The following KCNH8 variants were observed in gnomAD, a reference collection of about 807,000 sequenced individuals.
KCNH8 encodes the protein voltage-gated delayed rectifier potassium channel KCNH8.
In KCNH8, 70 loss-of-function variants were observed where a neutral mutation model predicts 103.6. The observed-to-expected ratio is 0.68, with a 90% CI of 0.56 to 0.82. The LOEUF is 0.82. Ranked by LOEUF, KCNH8 falls within the 40% of genes least tolerant of loss-of-function variation. The pLI is 0.00. For missense variants in KCNH8, 1,217 were observed against 1,329.9 expected (o/e 0.92, Z 1.32); for synonymous variants, 498 against 489.4 (o/e 1.02, Z -0.23).
At chr3:19,372,676 C>A (rs1179337313) in intron 5 of KCNH8, among the ~76,000 whole-genome samples, 1 of 152,184 alleles carries the variant, frequency 6.6e-6, no homozygotes, top group Non-Finnish European at 1.5e-5. Context: ...GAGAGGGCAT[C>A]CCTGCCTTCT....
At chr3:19,307,761 A>G (rs1304959051) in intron 3 of KCNH8, among the ~76,000 whole-genome samples, 2 of 152,000 alleles carry the variant, frequency 1.3e-5, no homozygotes, top group Admixed American at 1.3e-4. Flanking sequence ...CGTGGTTGGA[A>G]CTGAAAGACA....
chr3:19,382,012 A>G (rs1265357932), intron 5 of KCNH8, among the ~76,000 whole-genome samples: 1 of 152,130 alleles, frequency 6.6e-6, no homozygotes, highest in African/African-American at 2.4e-5. Flanking sequence ...TTATATCTCT[A>G]TCCATTGTTG....
At chr3:19,200,898 T>C (rs901119944) in intron 1 of KCNH8, among the ~76,000 whole-genome samples, 1 of 151,910 alleles carries the variant, frequency 6.6e-6, no homozygotes, top group Admixed American at 6.6e-5. Context: ...TTTTGAAGTA[T>C]GTAAAAAAAA....
intron 4 of KCNH8, among the ~76,000 whole-genome samples, 173 bp from the exon 5 acceptor site, chr3:19,347,552 T>C (rs1475489260): frequency 6.6e-6 from 1 of 152,118 alleles, no homozygotes; most frequent in Non-Finnish European, 1.5e-5. Flanking sequence ...CAAAGATCTC[T>C]GCTCAGTTTT....
At chr3:19,434,862 A>G (rs2125168928) in intron 7 of KCNH8, among the ~76,000 whole-genome samples, 3 of 152,302 alleles carry the variant, frequency 2.0e-5, no homozygotes, top group Middle Eastern at 3.4e-3. Context: ...ACATTTTCCC[A>G]CTAAAGTGGG....
intron 8 of KCNH8, among the ~76,000 whole-genome samples, chr3:19,442,060 G>T (rs2067292483): frequency 6.6e-6 from 1 of 152,220 alleles, no homozygotes; most frequent in Non-Finnish European, 1.5e-5. Flanking sequence ...CCATGGCACA[G>T]TTGTTCAAGT....
At chr3:19,179,049 G>T (rs2063427228) in intron 1 of KCNH8, among the ~76,000 whole-genome samples, 1 of 151,948 alleles carries the variant, frequency 6.6e-6, no homozygotes, top group Non-Finnish European at 1.5e-5. Flanking sequence ...TGTTGAGAAA[G>T]GATATATTTT....
chr3:19,172,477 C>A (rs2063357744), intron 1 of KCNH8, among the ~76,000 whole-genome samples: 1 of 152,122 alleles, frequency 6.6e-6, no homozygotes, highest in African/African-American at 2.4e-5. Context: ...ACTACCTAGA[C>A]TTTATAAAAC....
chr3:19,472,891 A>G (rs948699624), intron 11 of KCNH8, among the ~76,000 whole-genome samples: 3 of 152,216 alleles, frequency 2.0e-5, no homozygotes, highest in Admixed American at 6.5e-5. Flanking sequence ...TGTCAACTGA[A>G]TATTTAGTAG....
At chr3:19,154,558 T>G (rs1485498863) in intron 1 of KCNH8, among the ~76,000 whole-genome samples, 1 of 152,222 alleles carries the variant, frequency 6.6e-6, no homozygotes, top group Non-Finnish European at 1.5e-5. Context: ...ATGTTTCTTT[T>G]TACTATCTCT....
At chr3:19,274,747 G>C (rs1045189357) in intron 2 of KCNH8, among the ~76,000 whole-genome samples, 1 of 151,198 alleles carries the variant, frequency 6.6e-6, no homozygotes, top group Non-Finnish European at 1.5e-5. Context: ...TAAGGAGAAA[G>C]GTAACTTGGA....
intron 2 of KCNH8, among the ~76,000 whole-genome samples, chr3:19,255,417 C>G (rs550188146): frequency 3.9e-5 from 6 of 152,226 alleles, no homozygotes; most frequent in African/African-American, 1.2e-4. Flanking sequence ...CAAACAGAGA[C>G]AGTTTGATGT....
At chr3:19,504,051 A>T (rs143139648) in intron 11 of KCNH8, among the ~76,000 whole-genome samples, 1 of 152,160 alleles carries the variant, frequency 6.6e-6, no homozygotes, top group African/African-American at 2.4e-5. Context: ...ATCTACAACC[A>T]TCTGATCTTC....
intron 11 of KCNH8, among the ~76,000 whole-genome samples, chr3:19,498,599 C>T (rs560309917): frequency 1.3e-5 from 2 of 152,306 alleles, no homozygotes; most frequent in South Asian, 4.1e-4. Flanking sequence ...CATTCTCCAT[C>T]CAGCTTTCTT....
intron 1 of KCNH8, among the ~76,000 whole-genome samples, chr3:19,182,298 G>T (rs60315709): frequency 0.04 from 6,072 of 152,124 alleles, 438 homozygotes; most frequent in African/African-American, 0.14. Context: ...GGAGGCCGAC[G>T]GGGGCAGATC....
chr3:19,183,022 A>G (rs1042556042), intron 1 of KCNH8, among the ~76,000 whole-genome samples: 13 of 152,174 alleles, frequency 8.5e-5, no homozygotes, highest in African/African-American at 3.1e-4. Flanking sequence ...TCATAGCAAA[A>G]TAGCAGTACA....
chr3:19,209,924 A>T (rs1029542760), intron 1 of KCNH8, among the ~76,000 whole-genome samples: 72 of 151,982 alleles, frequency 4.7e-4, no homozygotes, highest in African/African-American at 1.7e-3. Context: ...TTGGGAAGAG[A>T]TTTTTTTGGG....
intron 5 of KCNH8, among the ~76,000 whole-genome samples, chr3:19,382,883 A>T (rs748950172): frequency 2.0e-5 from 3 of 152,208 alleles, no homozygotes; most frequent in Non-Finnish European, 4.4e-5. Context: ...GCTATGTACA[A>T]TGGGCAGAGC....
chr3:19,384,737 C>T (rs967619074), intron 5 of KCNH8, among the ~76,000 whole-genome samples: 1 of 152,122 alleles, frequency 6.6e-6, no homozygotes, highest in African/African-American at 2.4e-5. Context: ...ATATTTGCTC[C>T]TGTCTCCCAC....
Sources: allele counts gnomAD v4.1 joint callset (sites outside exome capture counted in the v4.1 genomes callset), GRCh38; gene constraint gnomAD v4.1.1; transcripts MANE v1.5; gene names NCBI Gene and HGNC (gene_info 2026-07-23, HGNC 2026-07-21).